The following ENTPD7 variants were observed in gnomAD, a reference collection of about 807,000 sequenced individuals.
ENTPD7 encodes NTPDase 7.
A neutral mutation model predicts 77.9 loss-of-function variants in ENTPD7; 53 were observed. The ratio of observed to expected loss-of-function variants is 0.68; its 90% CI spans 0.55 to 0.85. ENTPD7 has a LOEUF of 0.85. Among genes scored for constraint, ENTPD7 ranks in the 40% least tolerant of loss-of-function variants. The probability of loss-of-function intolerance (pLI) is 0.00; values close to 1 mark genes in which losing one functional copy is unlikely to be tolerated. For synonymous variants in ENTPD7, 248 were observed against 274.9 expected (o/e 0.90, Z 0.97); for missense variants, 636 against 743.7 (o/e 0.86, Z 1.68).
Position 99,704,882 on chromosome 10 carries a change from G to T in ENTPD7, c.*199G>T. 1 of 604,658 alleles carries T rather than the reference G, an allele frequency of 1.7e-6. No individual in the cohort carries two copies. The highest frequency in any genetic ancestry group is 2.9e-6 in the Non-Finnish European group (1 of 345,534). The allele number at this position is 604,658 out of a possible 1,614,324, so 37.5% of individuals were successfully genotyped here. A position where few individuals can be genotyped will look rare whatever the true frequency, so the allele number is the denominator to read the frequency against. On this transcript the variant is annotated 3_prime_UTR_variant, in exon 13 of 13. Transcript: ENST00000370489. ...GAGAAGCTATAATTTAATCTGTGAG[G>T]AACTAAATGACAGGAGATTGGTGCT... is the stretch of plus-strand genomic sequence containing the variant.
At chr10:99,687,157 C>T (rs952294317) in intron 6 of ENTPD7, among the ~76,000 whole-genome samples, 7 of 151,272 alleles carry the variant, frequency 4.6e-5, no homozygotes, top group South Asian at 2.1e-4. Flanking sequence ...CCTCGTGATC[C>T]GCCTGCCTCA....
chr10:99,691,927 T>C (rs569560241), intron 8 of ENTPD7, among the ~76,000 whole-genome samples: 9 of 152,324 alleles, frequency 5.9e-5, no homozygotes, highest in African/African-American at 2.2e-4. Flanking sequence ...TTCCCCTTAC[T>C]GATGATTCCA....
At chr10:99,679,162 G>T (rs2035720444) in intron 3 of ENTPD7, 99 bp from the exon 4 acceptor site, 1 of 1,148,866 alleles carries the variant, frequency 8.7e-7, no homozygotes, top group Non-Finnish European at 1.3e-6. Context: ...CTTAGCACAT[G>T]TAGGCACTTA....
rs1454835968 is a variant in ENTPD7 at position 99,688,764 on chromosome 10, T to C, written c.709+14T>C. ...ACCACGAGGATGGTGAGTAATATTG[T>C]CTTTTTATGACAGTTTACCTAAGGG... On this transcript the variant is annotated intron_variant, in intron 7 of 12. Transcript: ENST00000370489. 9.9e-6 allele frequency: 16 copies of C among 1,613,350 alleles called. No homozygotes were observed. The highest frequency in any genetic ancestry group is 2.7e-5 in the African/African-American group (2 of 74,922).
chr10:99,701,051 C>A lies in ENTPD7; in HGVS notation c.1414C>A (p.Arg472=). Residue 472 remains arginine, a synonymous_variant, in exon 11 of 13, where the codon CGA becomes AGA. Transcript: ENST00000370489. ...CTTTTCATCACATGCAGATGAGCAT[C>A]GACTCAAGTAAGTTACTTCCCTTTC... ...GLFSSHADEH[R]LKYQCFKSAW... is the part of the protein sequence containing the mutation. 3 of 1,613,464 alleles carry A rather than the reference C, an allele frequency of 1.9e-6. No individual in the cohort carries two copies. Among genetic ancestry groups the A allele is most frequent in the Non-Finnish European group, 2.5e-6 (3 of 1,179,510 alleles).
At position 99,711,193 on chromosome 10, in the gene ENTPD7, T is replaced by C; in HGVS notation, c.*6510T>C. Reference sequence around the variant, plus strand: ...CAACCAGTTGTTTTTCCAAATGTACTCATCATCTGTAATAAAAGAAAAATG... The same window carrying C: ...CAACCAGTTGTTTTTCCAAATGTACCCATCATCTGTAATAAAAGAAAAATG... On this transcript the variant is annotated 3_prime_UTR_variant, in exon 13 of 13. Coordinates refer to ENST00000370489, the MANE Select transcript of ENTPD7 (RefSeq NM_020354.5). The C allele has an allele frequency of 1.0e-6, 1 of 985,344 alleles. No homozygotes were observed. Among genetic ancestry groups the C allele is most frequent in the South Asian group, 4.7e-5 (1 of 21,284 alleles). 61.0% of individuals were successfully genotyped at this position (985,344 alleles called of 1,614,324 possible). A position where few individuals can be genotyped will look rare whatever the true frequency, so the allele number is the denominator to read the frequency against.
intron 11 of ENTPD7, among the ~76,000 whole-genome samples, 188 bp from the exon 12 acceptor site, chr10:99,702,324 T>C (rs2036154418): frequency 6.6e-6 from 1 of 152,160 alleles, no homozygotes; most frequent in African/African-American, 2.4e-5. Flanking sequence ...CACAGTATCA[T>C]TATTGCCTTT....
At chr10:99,698,409 C>T in intron 9 of ENTPD7, 125 bp from the exon 10 acceptor site, 1 of 928,240 alleles carries the variant, frequency 1.1e-6, no homozygotes, top group Non-Finnish European at 1.6e-6. Context: ...GCACTCCATC[C>T]TCGTTTCTAG....
intron 3 of ENTPD7, among the ~76,000 whole-genome samples, chr10:99,667,091 A>G (rs937057443): frequency 2.0e-5 from 3 of 152,214 alleles, no homozygotes; most frequent in East Asian, 3.8e-4. Context: ...GGTAGGTTGA[A>G]TTAATTGAAA....
chr10:99,684,145 T>G (rs1358059084), intron 5 of ENTPD7, among the ~76,000 whole-genome samples: 1 of 152,062 alleles, frequency 6.6e-6, no homozygotes, highest in East Asian at 1.9e-4. Context: ...AACCTCCACC[T>G]CCCGGGTTCA....
At chr10:99,660,872 A>G (rs1311509653) in intron 2 of ENTPD7, among the ~76,000 whole-genome samples, 3 of 151,740 alleles carry the variant, frequency 2.0e-5, no homozygotes, top group Non-Finnish European at 2.9e-5. Context: ...CAGTGAGCTG[A>G]GATTGCGCTA....
In ENTPD7 at chr10:99,659,734, T is replaced by C; in HGVS notation, c.-95-128T>C. 1.9e-6 allele frequency: 1 copy of C among 527,246 alleles called. No individual in the cohort carries two copies. The highest frequency in any genetic ancestry group is 3.3e-6 in the Non-Finnish European group (1 of 302,492). 32.7% of individuals were successfully genotyped at this position (527,246 alleles called of 1,614,324 possible). A position where few individuals can be genotyped will look rare whatever the true frequency, so the allele number is the denominator to read the frequency against. ...CCGCTCCCAGGATGCCCGGGTAGGG[T>C]CCCCTGGGCCTGAGGAACCAGAGCA... On this transcript the variant is annotated intron_variant, in intron 1 of 12. Coordinates refer to ENST00000370489, the MANE Select transcript of ENTPD7 (RefSeq NM_020354.5). The surrounding 1 kb of genome is among the most constrained non-coding windows in gnomAD (Gnocchi z 4.1).
intron 7 of ENTPD7, among the ~76,000 whole-genome samples, chr10:99,691,041 T>C (rs1331821234): frequency 2.0e-5 from 3 of 152,158 alleles, no homozygotes; most frequent in Non-Finnish European, 2.9e-5. Context: ...GGCTAGAGTT[T>C]AGTGGTGCGA....
At chr10:99,702,391 A>C (rs1052561901) in intron 11 of ENTPD7, 121 bp from the exon 12 acceptor site, 1 of 764,186 alleles carries the variant, frequency 1.3e-6, no homozygotes, top group Non-Finnish European at 2.0e-6. Flanking sequence ...GAGGTGAGGA[A>C]GGTGAAGCGG....
At chr10:99,687,017 A>G (rs1447330620) in intron 6 of ENTPD7, among the ~76,000 whole-genome samples, 2 of 150,520 alleles carry the variant, frequency 1.3e-5, no homozygotes, top group African/African-American at 4.9e-5. Context: ...TCCTGGGTTC[A>G]AGCGATTCTC....
chr10:99,681,228 T>C (rs2035749166), intron 5 of ENTPD7, among the ~76,000 whole-genome samples: 1 of 152,160 alleles, frequency 6.6e-6, no homozygotes, highest in Non-Finnish European at 1.5e-5. Context: ...TTTGGAATAA[T>C]TAGCCAGAAG....
At chr10:99,695,497 G>T (rs895393034) in intron 8 of ENTPD7, among the ~76,000 whole-genome samples, 1 of 151,340 alleles carries the variant, frequency 6.6e-6, no homozygotes, top group Non-Finnish European at 1.5e-5. Flanking sequence ...ACTCCAGCCT[G>T]GTGACACAGT....
chr10:99,661,691 T>G, intron 3 of ENTPD7, 63 bp downstream of exon 3: 1 of 1,401,444 alleles, frequency 7.1e-7, no homozygotes, highest in Admixed American at 2.4e-5. Flanking sequence ...TTTAACACAC[T>G]ACTGACTTTG....
intron 12 of ENTPD7, among the ~76,000 whole-genome samples, chr10:99,703,352 A>G (rs2036180959): frequency 6.6e-6 from 1 of 152,216 alleles, no homozygotes; most frequent in Non-Finnish European, 1.5e-5. Context: ...GACAGAAGTG[A>G]GGGAAGTGGG....
Sources: allele counts gnomAD v4.1 joint callset (sites outside exome capture counted in the v4.1 genomes callset), GRCh38; gene constraint gnomAD v4.1.1; non-coding constraint Gnocchi (gnomAD v3.1); transcripts MANE v1.5; gene names NCBI Gene and HGNC (gene_info 2026-07-23, HGNC 2026-07-21).